Variants in CDH13 observed in about 807,000 individuals in gnomAD.
CDH13 encodes cadherin 13.
CDH13 carries 24 observed loss-of-function variants against 63.8 expected under a neutral mutation model. The observed-to-expected ratio is 0.38, with a 90% CI of 0.27 to 0.53. CDH13 has a LOEUF of 0.53. Ranked by LOEUF, CDH13 falls within the 20% of genes least tolerant of loss-of-function variation. The probability of loss-of-function intolerance (pLI) is 0.85; values close to 1 mark genes in which losing one functional copy is unlikely to be tolerated. For missense variants in CDH13, 1,049 were observed against 903.1 expected (o/e 1.16, Z -2.07); for synonymous variants, 503 against 355.3 (o/e 1.42, Z -4.67).
intron 6 of CDH13, among the ~76,000 whole-genome samples, chr16:83,363,141 A>G (rs568969063): frequency 6.6e-6 from 1 of 152,342 alleles, no homozygotes; most frequent in South Asian, 2.1e-4. Flanking sequence ...TATCAATCAG[A>G]GATGCATTCT....
chr16:82,720,129 A>G (rs925229603), intron 1 of CDH13, among the ~76,000 whole-genome samples: 1 of 152,178 alleles, frequency 6.6e-6, no homozygotes, highest in Admixed American at 6.5e-5. Context: ...AACAAGTAAG[A>G]TAATCGTTTG....
intron 2 of CDH13, among the ~76,000 whole-genome samples, chr16:82,906,026 A>G (rs949097850): frequency 6.6e-6 from 1 of 152,228 alleles, no homozygotes; most frequent in African/African-American, 2.4e-5. Flanking sequence ...ATATGAATAT[A>G]TACATGCATA....
At chr16:82,988,557 T>G (rs1222468522) in intron 2 of CDH13, among the ~76,000 whole-genome samples, 1 of 151,080 alleles carries the variant, frequency 6.6e-6, no homozygotes, top group Non-Finnish European at 1.5e-5. Context: ...AGGTCAGGAG[T>G]TCGAGACCTG....
chr16:83,601,816 C>G (rs1190850871), intron 7 of CDH13, among the ~76,000 whole-genome samples: 1 of 151,946 alleles, frequency 6.6e-6, no homozygotes, highest in African/African-American at 2.4e-5. Context: ...ACGTAGGGGC[C>G]GGGCGTGGTG....
intron 3 of CDH13, among the ~76,000 whole-genome samples, chr16:83,050,176 C>T (rs1490938543): frequency 2.6e-5 from 4 of 152,074 alleles, no homozygotes; most frequent in Non-Finnish European, 5.9e-5. Context: ...GCAGCCAGAC[C>T]CGGGCCTCCT....
At chr16:83,031,073 C>A (rs1189904221) in intron 2 of CDH13, among the ~76,000 whole-genome samples, 1 of 151,074 alleles carries the variant, frequency 6.6e-6, no homozygotes, top group Non-Finnish European at 1.5e-5. Context: ...GCATATTGTG[C>A]TGTATACATA....
At chr16:83,181,822 G>A (rs9926357) in intron 4 of CDH13, among the ~76,000 whole-genome samples, 71,037 of 151,938 alleles carry the variant, frequency 0.47, 19,461 homozygotes, top group African/African-American at 0.76. Context: ...TTTTTCTGGA[G>A]AGGGAAGGAC....
intron 2 of CDH13, among the ~76,000 whole-genome samples, chr16:82,936,504 C>A (rs2042671426): frequency 6.6e-6 from 1 of 152,090 alleles, no homozygotes. Flanking sequence ...TTAGCTTCCA[C>A]AAAACTGGTC....
At chr16:82,788,280 T>C (rs2036121432) in intron 1 of CDH13, among the ~76,000 whole-genome samples, 1 of 152,146 alleles carries the variant, frequency 6.6e-6, no homozygotes, top group Non-Finnish European at 1.5e-5. Context: ...TTGGGATGGT[T>C]CTCCACGTAG....
intron 2 of CDH13, among the ~76,000 whole-genome samples, chr16:82,940,175 A>T (rs1286594113): frequency 6.6e-6 from 1 of 152,156 alleles, no homozygotes; most frequent in Admixed American, 6.5e-5. Context: ...TGGGTTGGGG[A>T]CGCAGCCAAA....
intron 6 of CDH13, among the ~76,000 whole-genome samples, chr16:83,465,725 G>C (rs919120261): frequency 2.6e-5 from 4 of 152,180 alleles, no homozygotes; most frequent in African/African-American, 9.7e-5. Flanking sequence ...GGCTTTCTGT[G>C]GGGTAGGATG....
At chr16:83,282,990 C>A (rs917206357) in intron 5 of CDH13, among the ~76,000 whole-genome samples, 1 of 152,162 alleles carries the variant, frequency 6.6e-6, no homozygotes, top group African/African-American at 2.4e-5. Context: ...CGAATTAATT[C>A]TGTTCTTCAC....
intron 1 of CDH13, among the ~76,000 whole-genome samples, chr16:82,792,886 T>A (rs1405334243): frequency 1.3e-5 from 2 of 152,040 alleles, no homozygotes; most frequent in East Asian, 3.9e-4. Context: ...AAAGTCCACA[T>A]GAAATGCCTG....
intron 10 of CDH13, among the ~76,000 whole-genome samples, chr16:83,742,483 T>G (rs1274050402): frequency 6.6e-6 from 1 of 152,168 alleles, no homozygotes; most frequent in East Asian, 1.9e-4. Context: ...TGCCCGGAAA[T>G]TCCAATTTAA....
At position 83,394,787 on chromosome 16, in the gene CDH13, A is replaced by G. The variant is rs188085991; in HGVS notation, c.781+49781A>G. ...AATGGAGGGATGAGAAATGGTTAGT[A>G]TCCGCAGGGGTTTGAAAGGGCTGAC... is the stretch of plus-strand genomic sequence containing the variant. On this transcript the variant is annotated intron_variant, in intron 6 of 13. Coordinates refer to ENST00000567109, the MANE Select transcript of CDH13 (RefSeq NM_001257.5). Among the ~76,000 whole-genome samples, 11 of 152,280 alleles carry G rather than the reference A, an allele frequency of 7.2e-5. No homozygotes were observed. In the East Asian group the frequency reaches 2.1e-3, roughly 29 times the overall value.
intron 8 of CDH13, among the ~76,000 whole-genome samples, chr16:83,631,354 TTTG>T (rs71382878): frequency 0.73 from 110,410 of 151,560 alleles, 40,384 homozygotes; most frequent in Middle Eastern, 0.88. Flanking sequence ...GAGTGTTTGG[TTTG>T]TTGTTGTTTG....
At chr16:83,540,339 G>A (rs1232714365) in intron 7 of CDH13, among the ~76,000 whole-genome samples, 1 of 152,168 alleles carries the variant, frequency 6.6e-6, no homozygotes, top group African/African-American at 2.4e-5. Flanking sequence ...AAGGAGTGCT[G>A]AAGACAGTCA....
At chr16:82,976,945 G>A (rs936915099) in intron 2 of CDH13, among the ~76,000 whole-genome samples, 1 of 152,126 alleles carries the variant, frequency 6.6e-6, no homozygotes, top group Admixed American at 6.5e-5. Flanking sequence ...AGAGGGCCTG[G>A]AACTCTTGGT....
At chr16:83,764,009 C>T (rs1483268631) in intron 11 of CDH13, among the ~76,000 whole-genome samples, 1 of 152,172 alleles carries the variant, frequency 6.6e-6, no homozygotes, top group Admixed American at 6.5e-5. Context: ...TCCCCACCTG[C>T]AGAATGAAGA....
Sources: gnomAD v4.1 joint callset for allele counts (sites outside exome capture counted in the v4.1 genomes callset) on GRCh38, gnomAD v4.1.1 for gene constraint, MANE v1.5 for transcripts, NCBI Gene and HGNC (gene_info 2026-07-23, HGNC 2026-07-21) for gene names.